The following PLCB1 variants were observed in gnomAD, a reference collection of about 807,000 sequenced individuals.
PLCB1 encodes the protein phospholipase C beta 1.
A neutral mutation model predicts 161.8 loss-of-function variants in PLCB1; 46 were observed. The ratio of observed to expected loss-of-function variants is 0.28; its 90% CI spans 0.22 to 0.36. PLCB1 has a LOEUF of 0.36. Among genes scored for constraint, PLCB1 ranks in the 10% least tolerant of loss-of-function variants. The pLI, the probability that PLCB1 is intolerant of heterozygous loss-of-function variation, is 1.00. For synonymous variants in PLCB1, 517 were observed against 503.7 expected (o/e 1.03, Z -0.35); for missense variants, 1,016 against 1,472.5 (o/e 0.69, Z 5.07).
In PLCB1 at chr20:8,209,886, A is replaced by C. The variant is rs577124216; in HGVS notation, c.177+59515A>C. On this transcript the variant is annotated intron_variant, in intron 2 of 31. Transcript: ENST00000338037. ...TTTTACTCACTCTGTTACCCATGCT[A>C]GAGTGCAGTGGAGCGATCCTAGCTC... Among the ~76,000 whole-genome samples, 21 of 152,256 alleles carry C rather than the reference A, an allele frequency of 1.4e-4. No individual in the cohort carries two copies. In the East Asian group the frequency reaches 4.1e-3, roughly 29 times the overall value.
intron 2 of PLCB1, among the ~76,000 whole-genome samples, chr20:8,342,706 T>C (rs1289292075): frequency 6.6e-6 from 1 of 152,212 alleles, no homozygotes; most frequent in East Asian, 1.9e-4. Flanking sequence ...ATCCCATCTC[T>C]GCCTCTCTGG....
chr20:8,172,556 C>G (rs1600214833), intron 2 of PLCB1, among the ~76,000 whole-genome samples: 2 of 152,098 alleles, frequency 1.3e-5, no homozygotes, highest in African/African-American at 4.8e-5. Context: ...TTTTTACAAC[C>G]ATTGTAAGGG....
chr20:8,830,534 C>A (rs1195012544), intron 31 of PLCB1, among the ~76,000 whole-genome samples: 1 of 152,138 alleles, frequency 6.6e-6, no homozygotes, highest in African/African-American at 2.4e-5. Flanking sequence ...AGGTAAGGAC[C>A]ACTGAATACA....
rs1386221393 is a variant in PLCB1, at chr20:8,215,089, A to C, written c.177+64718A>C. ...TGATTTACATAGACAGGCTGAATGC[A>C]GAAGCTGTGTGTTTACCATGTGAAT... On this transcript the variant is annotated intron_variant, in intron 2 of 31. Coordinates refer to ENST00000338037, the MANE Select transcript of PLCB1 (RefSeq NM_015192.4). Among the ~76,000 whole-genome samples, 8 of 152,118 alleles carry C rather than the reference A, an allele frequency of 5.3e-5. No individual in the cohort carries two copies. In the East Asian group the frequency reaches 1.5e-3, roughly 29 times the overall value.
At chr20:8,155,717 C>T (rs1323568931) in intron 2 of PLCB1, among the ~76,000 whole-genome samples, 1 of 152,088 alleles carries the variant, frequency 6.6e-6, no homozygotes, top group Non-Finnish European at 1.5e-5. Flanking sequence ...TCAACTTTGA[C>T]CCTTCTTGTG....
At chr20:8,434,233 C>T (rs76198340) in intron 3 of PLCB1, among the ~76,000 whole-genome samples, 2,738 of 152,150 alleles carry the variant, frequency 0.018, 78 homozygotes, top group African/African-American at 0.061. Flanking sequence ...TTTGAAAATA[C>T]GGTCTCTGTT....
At chr20:8,295,721 A>G (rs1247760961) in intron 2 of PLCB1, among the ~76,000 whole-genome samples, 1 of 151,506 alleles carries the variant, frequency 6.6e-6, no homozygotes, top group African/African-American at 2.4e-5. Flanking sequence ...CTTTTTTATT[A>G]TTTTATTTTT....
chr20:8,644,219 C>T (rs1368366890), intron 4 of PLCB1, among the ~76,000 whole-genome samples: 2 of 151,904 alleles, frequency 1.3e-5, no homozygotes, highest in Admixed American at 6.5e-5. Flanking sequence ...GCCACCACCC[C>T]GTCTGGGAAG....
intron 9 of PLCB1, among the ~76,000 whole-genome samples, chr20:8,680,535 G>A (rs759464569): frequency 2.0e-5 from 3 of 152,118 alleles, no homozygotes; most frequent in Non-Finnish European, 2.9e-5. Context: ...TGTTAGCAAG[G>A]CAAAGCTTTG....
chr20:8,199,397 C>G (rs949086569), intron 2 of PLCB1, among the ~76,000 whole-genome samples: 1 of 152,114 alleles, frequency 6.6e-6, no homozygotes, highest in Admixed American at 6.6e-5. Flanking sequence ...AATTGTCTCT[C>G]AGAATAAAAC....
intron 3 of PLCB1, among the ~76,000 whole-genome samples, chr20:8,527,291 T>G (rs1298287198): frequency 6.6e-6 from 1 of 152,156 alleles, no homozygotes; most frequent in Non-Finnish European, 1.5e-5. Context: ...GTGACCATTA[T>G]TTTTGTTAAA....
chr20:8,506,065 T>C (rs1298654472), intron 3 of PLCB1, among the ~76,000 whole-genome samples: 6 of 152,252 alleles, frequency 3.9e-5, no homozygotes, highest in African/African-American at 1.4e-4. Flanking sequence ...CCCCAGTTTC[T>C]GTTTTCTTCC....
intron 3 of PLCB1, among the ~76,000 whole-genome samples, chr20:8,416,494 A>C (rs556805905): frequency 1.3e-5 from 2 of 152,162 alleles, no homozygotes; most frequent in African/African-American, 4.8e-5. Context: ...GGGGGGTGCA[A>C]AGGTATGCTC....
chr20:8,733,772 T>C (rs1980408075), intron 19 of PLCB1, among the ~76,000 whole-genome samples: 1 of 138,378 alleles, frequency 7.2e-6, no homozygotes, highest in Non-Finnish European at 1.5e-5. Context: ...GCATGTACCC[T>C]AAAACTTAAA....
At chr20:8,649,502 TG>T in intron 7 of PLCB1, 53 bp downstream of exon 7, 1 of 1,258,446 alleles carries the variant, frequency 7.9e-7, no homozygotes, top group East Asian at 2.3e-5. Flanking sequence ...CCAAAACTCA[TG>T]TTGAAACTTA....
chr20:8,740,472 A>C (rs754437548), intron 22 of PLCB1, 24 bp downstream of exon 22: 38 of 1,277,388 alleles, frequency 3.0e-5, no homozygotes, highest in Middle Eastern at 1.9e-4. Flanking sequence ...CTCAAATACC[A>C]CTTTACTCAA....
chr20:8,788,579 A>G (rs1983602087), intron 28 of PLCB1, 54 bp downstream of exon 28: 1 of 1,597,370 alleles, frequency 6.3e-7, no homozygotes, highest in African/African-American at 1.3e-5. Context: ...TATTCAACAC[A>G]AATTCCCATC....
At chr20:8,807,441 A>T (rs1328882088) in intron 31 of PLCB1, among the ~76,000 whole-genome samples, 7 of 152,226 alleles carry the variant, frequency 4.6e-5, no homozygotes, top group African/African-American at 7.2e-5. Flanking sequence ...GGAAAAAATG[A>T]AAATTGCTCA....
At chr20:8,377,703 G>A (rs1002433209) in intron 3 of PLCB1, among the ~76,000 whole-genome samples, 2 of 152,158 alleles carry the variant, frequency 1.3e-5, no homozygotes, top group Non-Finnish European at 2.9e-5. Context: ...ACAACTATTA[G>A]TGTTTTGGCC....
Sources: gnomAD v4.1 joint callset for allele counts (sites outside exome capture counted in the v4.1 genomes callset) on GRCh38, gnomAD v4.1.1 for gene constraint, MANE v1.5 for transcripts, NCBI Gene and HGNC (gene_info 2026-07-23, HGNC 2026-07-21) for gene names.